The following UNC5D variants were observed in gnomAD, a reference collection of about 807,000 sequenced individuals.
The protein encoded by UNC5D is unc-5 netrin receptor D.
Under a neutral mutation model 105.4 loss-of-function variants are expected in UNC5D, and 39 were observed. The observed-to-expected ratio is 0.37, with a 90% CI of 0.29 to 0.48. UNC5D has a LOEUF of 0.48. Ranked by LOEUF, UNC5D falls within the 20% of genes least tolerant of loss-of-function variation. The pLI is 0.98. For synonymous variants in UNC5D, 452 were observed against 450.4 expected (o/e 1.00, Z -0.04); for missense variants, 991 against 1,202.4 (o/e 0.82, Z 2.60).
chr8:35,422,194 C>T (rs1416722630), intron 1 of UNC5D, among the ~76,000 whole-genome samples: 2 of 152,148 alleles, frequency 1.3e-5, no homozygotes, highest in East Asian at 3.9e-4. Context: ...TTCCTGCAAA[C>T]TTAGGGCCTA....
At chr8:35,397,025 G>A (rs753511233) in intron 1 of UNC5D, among the ~76,000 whole-genome samples, 11 of 151,886 alleles carry the variant, frequency 7.2e-5, no homozygotes, top group Non-Finnish European at 1.2e-4. Flanking sequence ...TCCTGCCTTA[G>A]CCTCCCAAGT....
chr8:35,474,703 TC>T (rs1563453473), intron 1 of UNC5D, among the ~76,000 whole-genome samples: 1 of 151,982 alleles, frequency 6.6e-6, no homozygotes, highest in South Asian at 2.1e-4. Flanking sequence ...ATGGAGAGGG[TC>T]CCCCTTGACC....
At chr8:35,636,987 T>G (rs1263544883) in intron 4 of UNC5D, among the ~76,000 whole-genome samples, 1 of 152,174 alleles carries the variant, frequency 6.6e-6, no homozygotes, top group African/African-American at 2.4e-5. Context: ...CAAATAACTC[T>G]AATAAACCCT....
chr8:35,542,037 T>C (rs901632181), intron 1 of UNC5D, among the ~76,000 whole-genome samples: 1 of 152,212 alleles, frequency 6.6e-6, no homozygotes, highest in Non-Finnish European at 1.5e-5. Context: ...GATAAAGTAA[T>C]ATCTTAGTCA....
At chr8:35,673,540 C>T (rs540228295) in intron 4 of UNC5D, among the ~76,000 whole-genome samples, 51 of 152,042 alleles carry the variant, frequency 3.4e-4, no homozygotes, top group African/African-American at 1.1e-3. Flanking sequence ...AAGCATATAG[C>T]CTTAGGCAAA....
chr8:35,604,798 C>T lies in UNC5D; in HGVS notation c.570+9141C>T, dbSNP rs898643684. Among the ~76,000 whole-genome samples, 11 of 152,284 alleles carry T rather than the reference C, an allele frequency of 7.2e-5. No homozygotes were observed. The South Asian group carries it at 1.0e-3, about 14-fold the overall frequency. Reference sequence around the variant, plus strand: ...TCATGATTCATTTCATTCATTTTGTCTTCCATCACTGATACCTTTTCTTCC... The same window carrying T: ...TCATGATTCATTTCATTCATTTTGTTTTCCATCACTGATACCTTTTCTTCC... On this transcript the variant is annotated intron_variant, in intron 4 of 16. Coordinates refer to ENST00000404895, the MANE Select transcript of UNC5D (RefSeq NM_080872.4).
At chr8:35,353,552 T>C (rs1367962325) in intron 1 of UNC5D, among the ~76,000 whole-genome samples, 1 of 152,186 alleles carries the variant, frequency 6.6e-6, no homozygotes, top group African/African-American at 2.4e-5. Flanking sequence ...ATGCTAGATA[T>C]ATTGCATACT....
At chr8:35,242,627 A>G (rs1474036575) in intron 1 of UNC5D, among the ~76,000 whole-genome samples, 2 of 152,016 alleles carry the variant, frequency 1.3e-5, no homozygotes, top group Admixed American at 1.3e-4. Flanking sequence ...ACAGGCATGC[A>G]CCATTGTGCC....
intron 12 of UNC5D, among the ~76,000 whole-genome samples, chr8:35,750,278 G>A (rs901351878): frequency 8.2e-5 from 6 of 73,546 alleles, no homozygotes; most frequent in Admixed American, 6.6e-4. Context: ...CCCCTTCCCC[G>A]CCCCCCAACC....
At chr8:35,661,290 G>A (rs1824087763) in intron 4 of UNC5D, among the ~76,000 whole-genome samples, 1 of 151,984 alleles carries the variant, frequency 6.6e-6, no homozygotes, top group African/African-American at 2.4e-5. Context: ...CATTTCTAAT[G>A]GTTGAAATAA....
chr8:35,428,206 C>T (rs987877400), intron 1 of UNC5D, among the ~76,000 whole-genome samples: 3 of 152,010 alleles, frequency 2.0e-5, no homozygotes, highest in African/African-American at 7.2e-5. Context: ...GAGACAAAGT[C>T]TCACTCTGTC....
At chr8:35,389,725 GT>G (rs1803653171) in intron 1 of UNC5D, among the ~76,000 whole-genome samples, 1 of 124,458 alleles carries the variant, frequency 8.0e-6, no homozygotes, top group Non-Finnish European at 1.6e-5. Flanking sequence ...GGAAGTTAAT[GT>G]TCTGGCTGAT....
intron 7 of UNC5D, among the ~76,000 whole-genome samples, chr8:35,703,184 CA>C (rs1827323968): frequency 6.6e-6 from 1 of 151,362 alleles, no homozygotes; most frequent in Admixed American, 6.6e-5. Context: ...CACAAATAGG[CA>C]TTTTTTTTTT....
intron 13 of UNC5D, among the ~76,000 whole-genome samples, chr8:35,753,327 GGCGTGAT>G (rs1830373124): frequency 6.6e-6 from 1 of 151,982 alleles, no homozygotes; most frequent in African/African-American, 2.4e-5. Flanking sequence ...GGAGTGCAGT[GGCGTGAT>G]CTCAGCCCAC....
intron 1 of UNC5D, among the ~76,000 whole-genome samples, chr8:35,260,336 A>G (rs2128820878): frequency 6.6e-6 from 1 of 152,288 alleles, no homozygotes; most frequent in East Asian, 1.9e-4. Context: ...TACTACAAGC[A>G]GCTATAGAAA....
At chr8:35,652,550 A>G (rs1323436452) in intron 4 of UNC5D, among the ~76,000 whole-genome samples, 3 of 152,156 alleles carry the variant, frequency 2.0e-5, no homozygotes, top group Non-Finnish European at 4.4e-5. Context: ...TGAGTAAAGC[A>G]TAGCATAATT....
intron 1 of UNC5D, among the ~76,000 whole-genome samples, chr8:35,527,598 AG>A (rs1813969936): frequency 6.6e-6 from 1 of 151,980 alleles, no homozygotes; most frequent in Non-Finnish European, 1.5e-5. Flanking sequence ...GCTGGAGTGC[AG>A]TGGCATGATC....
At chr8:35,305,408 A>C (rs1452303374) in intron 1 of UNC5D, among the ~76,000 whole-genome samples, 2 of 152,108 alleles carry the variant, frequency 1.3e-5, no homozygotes, top group Non-Finnish European at 2.9e-5. Flanking sequence ...GAGACCATCT[A>C]AAGTCCTTTA....
chr8:35,569,997 CCTT>C (rs1296425091), intron 3 of UNC5D, among the ~76,000 whole-genome samples: 1 of 152,168 alleles, frequency 6.6e-6, no homozygotes, highest in Non-Finnish European at 1.5e-5. Flanking sequence ...CCATCTCTGT[CCTT>C]CTTGCTCACT....
Sources: gnomAD v4.1 joint callset for allele counts (sites outside exome capture counted in the v4.1 genomes callset) on GRCh38, gnomAD v4.1.1 for gene constraint, MANE v1.5 for transcripts, NCBI Gene and HGNC (gene_info 2026-07-23, HGNC 2026-07-21) for gene names.